The following MAP3K2 variants were observed in gnomAD, a reference collection of about 807,000 sequenced individuals.
MAP3K2 encodes the protein MAP/ERK kinase kinase 2.
A neutral mutation model predicts 80.3 loss-of-function variants in MAP3K2; 24 were observed. The ratio of observed to expected loss-of-function variants is 0.30; its 90% CI spans 0.22 to 0.42. MAP3K2 has a LOEUF of 0.42. Among genes scored for constraint, MAP3K2 ranks in the 10% least tolerant of loss-of-function variants. The pLI, the probability that MAP3K2 is intolerant of heterozygous loss-of-function variation, is 1.00. For missense variants in MAP3K2, 608 were observed against 750.1 expected (o/e 0.81, Z 2.21); for synonymous variants, 244 against 253.7 (o/e 0.96, Z 0.36).
At chr2:127,346,410 T>TAAAAAAAAAAAAAAAAAAAAAAAAA (rs70985447) in intron 1 of MAP3K2, among the ~76,000 whole-genome samples, 1 of 96,348 alleles carries the variant, frequency 1.0e-5, no homozygotes, top group Non-Finnish European at 2.0e-5. Context: ...AAACTGGTTT[T>TAAAAAAAAAAAAAAAAAAAAAAAAA]AAAAAAAAAA....
At chr2:127,355,448 T>C (rs73956525) in intron 1 of MAP3K2, among the ~76,000 whole-genome samples, 3,957 of 152,266 alleles carry the variant, frequency 0.026, 77 homozygotes, top group African/African-American at 0.031. Flanking sequence ...TGTTTCCCAA[T>C]GCATATAAAA....
chr2:127,376,587 C>A (rs1167417628), intron 1 of MAP3K2, among the ~76,000 whole-genome samples: 2 of 152,146 alleles, frequency 1.3e-5, no homozygotes, highest in African/African-American at 4.8e-5. Flanking sequence ...ACAGGGGCTG[C>A]TCCCATGTGA....
intron 9 of MAP3K2, 103 bp downstream of exon 9, chr2:127,325,625 C>T (rs564515665): frequency 3.6e-6 from 3 of 829,592 alleles, no homozygotes; most frequent in Non-Finnish European, 5.9e-6. Context: ...GAGGTCAAGG[C>T]TGCAGTAAGC....
intron 1 of MAP3K2, among the ~76,000 whole-genome samples, chr2:127,352,242 C>T (rs973930927): frequency 6.6e-6 from 1 of 152,006 alleles, no homozygotes. Context: ...CTGCTACTTC[C>T]GCCAAGACTA....
chr2:127,358,487 A>G (rs1236038453), intron 1 of MAP3K2, among the ~76,000 whole-genome samples: 2 of 152,250 alleles, frequency 1.3e-5, no homozygotes, highest in African/African-American at 4.8e-5. Flanking sequence ...TTTTATTAGC[A>G]GCTTTATTCA....
intron 1 of MAP3K2, among the ~76,000 whole-genome samples, chr2:127,368,904 C>A (rs988521147): frequency 6.6e-6 from 1 of 151,910 alleles, no homozygotes; most frequent in African/African-American, 2.4e-5. Context: ...TGCCACTGCA[C>A]CCAGCTTGTT....
chr2:127,378,572 T>C (rs926360607), intron 1 of MAP3K2, among the ~76,000 whole-genome samples: 82 of 152,140 alleles, frequency 5.4e-4, no homozygotes, highest in African/African-American at 1.8e-3. Context: ...ATCAGTAAAA[T>C]TGTAAATATG....
intron 11 of MAP3K2, 129 bp downstream of exon 11, chr2:127,323,773 G>C (rs1389197473): frequency 2.1e-6 from 1 of 480,608 alleles, no homozygotes; most frequent in East Asian, 3.4e-5. Context: ...TTATACTTTT[G>C]TTATAACACA....
At chr2:127,387,423 A>G (rs1008766024) in intron 1 of MAP3K2, 29 bp downstream of exon 1, 6 of 456,278 alleles carry the variant, frequency 1.3e-5, no homozygotes, top group Non-Finnish European at 9.9e-6. Flanking sequence ...CACACACACA[A>G]GCGCGCGCGC....
At chr2:127,355,523 T>C (rs1488534069) in intron 1 of MAP3K2, among the ~76,000 whole-genome samples, 1 of 152,156 alleles carries the variant, frequency 6.6e-6, no homozygotes, top group Non-Finnish European at 1.5e-5. Context: ...ACAATGTACA[T>C]GCCTTAATTA....
rs1382578404 is a variant in MAP3K2, at chr2:127,387,690, G to T, written c.-304C>A. 1.0e-6 allele frequency: 1 copy of T among 985,120 alleles called. No homozygotes were observed. Among genetic ancestry groups the T allele is most frequent in the Non-Finnish European group, 1.2e-6 (1 of 829,928 alleles). The allele number at this position is 985,120 out of a possible 1,614,324, so 61.0% of individuals were successfully genotyped here. ...GGCGGGCGCGTGAATCCTCGCAGCC[G>T]GCCGGGTCCTCCTGGCGCTCCTCGG... On this transcript the variant is annotated 5_prime_UTR_variant, in exon 1 of 17. Transcript: ENST00000682094.
rs148328579 is a variant in MAP3K2 at position 127,341,409 on chromosome 2, A to T, written c.4+1717T>A. 2.1e-4 allele frequency among the ~76,000 whole-genome samples: 32 copies of T among 152,202 alleles called. No individual in the cohort carries two copies. The East Asian group carries it at 5.8e-3, about 28-fold the overall frequency. On this transcript the variant is annotated intron_variant, in intron 2 of 16. Transcript: ENST00000682094. ...CCCATATTAGGAAGGTGACATAAAA[A>T]ACAAAGGGCAATTTAATTGAGTTCC...
chr2:127,363,597 C>T (rs1686925002), intron 1 of MAP3K2, among the ~76,000 whole-genome samples: 1 of 152,202 alleles, frequency 6.6e-6, no homozygotes. Context: ...CCAAGACTAG[C>T]CAATTCTCTT....
At chr2:127,346,366 A>C (rs1367646063) in intron 1 of MAP3K2, among the ~76,000 whole-genome samples, 1 of 148,126 alleles carries the variant, frequency 6.8e-6, no homozygotes, top group East Asian at 1.9e-4. Context: ...AAAGCCCTGG[A>C]CCAGATCACT....
At chr2:127,358,333 A>C (rs1686828592) in intron 1 of MAP3K2, among the ~76,000 whole-genome samples, 1 of 152,228 alleles carries the variant, frequency 6.6e-6, no homozygotes, top group Non-Finnish European at 1.5e-5. Context: ...TACTGTTGAG[A>C]ATGTCAAATG....
intron 1 of MAP3K2, among the ~76,000 whole-genome samples, chr2:127,374,199 G>A (rs887739160): frequency 1.3e-5 from 2 of 152,166 alleles, no homozygotes; most frequent in Admixed American, 6.5e-5. Flanking sequence ...TATTGTTAGT[G>A]ACTCTGCTTA....
chr2:127,377,701 T>C (rs1687174756), intron 1 of MAP3K2, among the ~76,000 whole-genome samples: 1 of 152,206 alleles, frequency 6.6e-6, no homozygotes, highest in Admixed American at 6.5e-5. Context: ...TCAAATATTA[T>C]CTCTGCTTCC....
At position 127,322,333 on chromosome 2, in the gene MAP3K2, G is replaced by T; in HGVS notation, c.839-81C>A. On this transcript the variant is annotated intron_variant, in intron 11 of 16. Coordinates refer to ENST00000682094, the MANE Select transcript of MAP3K2 (RefSeq NM_001371910.2). This position sits in a 1 kb window ranked among gnomAD's most constrained non-coding sequence, Gnocchi z 4.2. ...AAGTATTTAAAATTTGTAATGTAGAGAATAGAAATTTGTCCTGTGACTAGG... is the reference window on the plus strand; with the variant it reads ...AAGTATTTAAAATTTGTAATGTAGATAATAGAAATTTGTCCTGTGACTAGG... The T allele has an allele frequency of 1.1e-6, 1 of 923,718 alleles. No homozygotes were observed. The highest frequency in any genetic ancestry group is 1.6e-6 in the Non-Finnish European group (1 of 622,554). The allele number at this position is 923,718 out of a possible 1,614,324, so 57.2% of individuals were successfully genotyped here.
intron 13 of MAP3K2, 37 bp from the exon 14 acceptor site, chr2:127,317,797 G>A: frequency 6.4e-7 from 1 of 1,564,312 alleles, no homozygotes; most frequent in Non-Finnish European, 8.7e-7. Flanking sequence ...CTTCAACAAT[G>A]TCAGTAAAAG....
Sources: allele counts gnomAD v4.1 joint callset (sites outside exome capture counted in the v4.1 genomes callset), GRCh38; gene constraint gnomAD v4.1.1; non-coding constraint Gnocchi (gnomAD v3.1); transcripts MANE v1.5; gene names NCBI Gene and HGNC (gene_info 2026-07-23, HGNC 2026-07-21).